The following AGBL1 variants were observed in gnomAD, a reference collection of about 807,000 sequenced individuals.
AGBL1 encodes AGBL carboxypeptidase 1, also known as cytosolic carboxypeptidase 4.
Under a neutral mutation model 118.9 loss-of-function variants are expected in AGBL1, and 130 were observed. The ratio of observed to expected loss-of-function variants is 1.09; its 90% CI spans 0.95 to 1.26. The LOEUF is 1.26. Among genes scored for constraint, AGBL1 ranks in the 50% most tolerant of loss-of-function variants. The pLI is 0.00. For synonymous variants in AGBL1, 555 were observed against 478.9 expected (o/e 1.16, Z -2.08); for missense variants, 1,584 against 1,298.1 (o/e 1.22, Z -3.38).
chr15:86,644,865 A>AAC lies in AGBL1; in HGVS notation c.2995-29407_2995-29406insCA, dbSNP rs1404378308. Among the ~76,000 whole-genome samples the AAC allele has an allele frequency of 2.0e-5, 3 of 149,978 alleles. No homozygotes were observed. In the East Asian group the frequency reaches 5.9e-4, roughly 29 times the overall value. ...TACTAAAAATACAAAAAAAAAAAAAAAAAAAAATAGCTGGGCGTGGTGGCA... is the reference window on the plus strand; with the variant it reads ...TACTAAAAATACAAAAAAAAAAAAAAACAAAAAAATAGCTGGGCGTGGTGGCA... On this transcript the variant is annotated intron_variant, in intron 21 of 22. Coordinates refer to ENST00000614907, the MANE Select transcript of AGBL1 (RefSeq NM_001386094.1).
intron 21 of AGBL1, among the ~76,000 whole-genome samples, chr15:86,609,934 C>A (rs1273132020): frequency 1.3e-5 from 2 of 152,216 alleles, no homozygotes; most frequent in East Asian, 3.9e-4. Flanking sequence ...TTTAATTGTG[C>A]CCATTTTATG....
At chr15:86,749,183 C>T (rs893939270) in intron 22 of AGBL1, among the ~76,000 whole-genome samples, 2 of 152,070 alleles carry the variant, frequency 1.3e-5, no homozygotes, top group Non-Finnish European at 2.9e-5. Context: ...TCTTTTATTT[C>T]GTTGAGCAGT....
intron 1 of AGBL1, among the ~76,000 whole-genome samples, chr15:86,101,382 A>C (rs1265664609): frequency 7.1e-6 from 1 of 141,514 alleles, no homozygotes; most frequent in Non-Finnish European, 1.5e-5. Flanking sequence ...AATTTGGTCT[A>C]ATACGTAGCT....
In AGBL1 at chr15:86,563,824, G is replaced by T. The variant is rs1188166648; in HGVS notation, c.2994+9287G>T. Among the ~76,000 whole-genome samples the T allele has an allele frequency of 6.6e-5, 10 of 152,196 alleles. No homozygotes were observed. In the East Asian group the frequency reaches 1.4e-3, roughly 21 times the overall value. On this transcript the variant is annotated intron_variant, in intron 21 of 22. Transcript: ENST00000614907. ...ATGAATCTGGGTGCTCCTGTATTGG[G>T]TGCATATATATTTAGGATAGTTAGC...
intron 22 of AGBL1, among the ~76,000 whole-genome samples, chr15:86,782,235 T>A (rs896261566): frequency 1.7e-4 from 26 of 152,164 alleles, no homozygotes; most frequent in Non-Finnish European, 3.2e-4. Flanking sequence ...TATTATTTTT[T>A]AAATTTTAAG....
intron 7 of AGBL1, among the ~76,000 whole-genome samples, chr15:86,249,220 G>T (rs2078769276): frequency 6.6e-6 from 1 of 152,064 alleles, no homozygotes; most frequent in Admixed American, 6.6e-5. Context: ...CACACATTAT[G>T]TTCCTATTAT....
chr15:86,202,517 A>G (rs1156898950), intron 5 of AGBL1, among the ~76,000 whole-genome samples: 1 of 151,530 alleles, frequency 6.6e-6, no homozygotes, highest in African/African-American at 2.5e-5. Flanking sequence ...GATTTGTTGT[A>G]AAAACAATTG....
At chr15:86,527,752 T>G (rs1249031152) in intron 19 of AGBL1, among the ~76,000 whole-genome samples, 3 of 152,158 alleles carry the variant, frequency 2.0e-5, no homozygotes, top group Non-Finnish European at 4.4e-5. Context: ...GGTGAGTGGA[T>G]TAATATGACT....
intron 21 of AGBL1, among the ~76,000 whole-genome samples, chr15:86,575,186 C>G (rs2084071527): frequency 6.6e-6 from 1 of 151,484 alleles, no homozygotes; most frequent in Non-Finnish European, 1.5e-5. Context: ...GAGACTCTGT[C>G]TCAAAAGAAA....
At chr15:86,095,714 T>G (rs1896335532) in intron 1 of AGBL1, among the ~76,000 whole-genome samples, 1 of 147,922 alleles carries the variant, frequency 6.8e-6, no homozygotes, top group Non-Finnish European at 1.5e-5. Context: ...CTGAGAGCTG[T>G]TGGTCACTAA....
At chr15:86,455,077 G>A (rs919835691) in intron 18 of AGBL1, among the ~76,000 whole-genome samples, 12 of 152,110 alleles carry the variant, frequency 7.9e-5, no homozygotes, top group Non-Finnish European at 1.2e-4. Flanking sequence ...CAAAGAGCAA[G>A]CTCTGATTCA....
upstream of AGBL1, chr15:86,079,844 C>T (rs906198145): frequency 5.5e-6 from 3 of 547,028 alleles, no homozygotes; most frequent in African/African-American, 3.8e-5. Context: ...TCACACTCAG[C>T]AGCATGTGCA....
intron 21 of AGBL1, among the ~76,000 whole-genome samples, chr15:86,571,253 C>G (rs537494962): frequency 6.6e-6 from 1 of 152,218 alleles, no homozygotes; most frequent in Admixed American, 6.5e-5. Context: ...CTGCTCTTCA[C>G]TCCCAACATG....
intron 23 of AGBL1, among the ~76,000 whole-genome samples, chr15:86,936,911 A>G (rs1410794690): frequency 6.6e-6 from 1 of 152,230 alleles, no homozygotes; most frequent in African/African-American, 2.4e-5. Flanking sequence ...GCATCTGACA[A>G]AGGTCTCATA....
At chr15:86,299,181 A>G (rs937138806) in intron 17 of AGBL1, among the ~76,000 whole-genome samples, 5 of 152,100 alleles carry the variant, frequency 3.3e-5, no homozygotes, top group African/African-American at 1.2e-4. Flanking sequence ...TTACACCTTG[A>G]TATTTGAGCC....
intron 21 of AGBL1, among the ~76,000 whole-genome samples, chr15:86,588,532 T>A (rs1464487942): frequency 1.3e-5 from 2 of 152,152 alleles, no homozygotes; most frequent in Admixed American, 1.3e-4. Flanking sequence ...TTTTCAACAT[T>A]TTTCATAAGG....
At chr15:86,866,443 T>C (rs1377120513) in intron 22 of AGBL1, among the ~76,000 whole-genome samples, 2 of 152,198 alleles carry the variant, frequency 1.3e-5, no homozygotes, top group East Asian at 1.9e-4. Flanking sequence ...GGGGGAATGA[T>C]GGTTAATACA....
At chr15:87,004,299 C>T (rs1009369590) in intron 24 of AGBL1, among the ~76,000 whole-genome samples, 3 of 152,024 alleles carry the variant, frequency 2.0e-5, no homozygotes, top group African/African-American at 7.2e-5. Flanking sequence ...GTTAGACTCC[C>T]ACACAATTAT....
chr15:86,264,764 A>G lies in AGBL1; in HGVS notation c.1593A>G (p.Ala531=). ...TSSVVDFKMM[A]FPDVWGHCPP... is the part of the protein sequence containing the mutation. ...CTGTGGTGGACTTCAAGATGATGGC[A>G]TTTCCTGATGTCTGGGGACACTGTC... The change falls in exon 11 of 23, where the codon GCA becomes GCG. Residue 531 remains alanine (A), a synonymous_variant. Coordinates refer to ENST00000614907, the MANE Select transcript of AGBL1 (RefSeq NM_001386094.1). 1 of 1,614,040 alleles carries G rather than the reference A, an allele frequency of 6.2e-7. No individual in the cohort carries two copies.
Sources: gnomAD v4.1 joint callset for allele counts (sites outside exome capture counted in the v4.1 genomes callset) on GRCh38, gnomAD v4.1.1 for gene constraint, MANE v1.5 for transcripts, NCBI Gene and HGNC (gene_info 2026-07-23, HGNC 2026-07-21) for gene names.